AJAP1: variants seen among roughly 807,000 people sequenced by gnomAD.
AJAP1 encodes adherens junctions associated protein 1, also known as adherens junction-associated protein 1.
In AJAP1, 5 loss-of-function variants were observed where a neutral mutation model predicts 35.0. That is an observed-to-expected ratio of 0.14 (90% CI 0.07 to 0.30). The LOEUF (loss-of-function observed/expected upper bound fraction) is 0.30, where lower values mean the gene tolerates loss of function less well. AJAP1 is among the 10% of genes least tolerant of loss of function. The probability of loss-of-function intolerance (pLI) is 1.00; values close to 1 mark genes in which losing one functional copy is unlikely to be tolerated. For missense variants in AJAP1, 586 were observed against 571.0 expected (o/e 1.03, Z -0.27); for synonymous variants, 284 against 249.3 (o/e 1.14, Z -1.31).
At chr1:4,721,157 G>A (rs957731094) in intron 2 of AJAP1, among the ~76,000 whole-genome samples, 1 of 152,258 alleles carries the variant, frequency 6.6e-6, no homozygotes, top group African/African-American at 2.4e-5. Flanking sequence ...CCCTGGGAAG[G>A]GGGTAGGAGG....
intron 1 of AJAP1, among the ~76,000 whole-genome samples, chr1:4,708,476 G>A (rs752495879): frequency 3.9e-5 from 6 of 152,156 alleles, no homozygotes; most frequent in Non-Finnish European, 7.4e-5. Flanking sequence ...AGGCCCTCCC[G>A]AAATCTGTTC....
At position 4,775,869 on chromosome 1, in the gene AJAP1, C is replaced by T. The variant is rs144200874; in HGVS notation, c.*59+1311C>T. On this transcript the variant is annotated intron_variant, in intron 5 of 5. Transcript: ENST00000378191. ...AAGCCAGTGCCTTTGTCTGCCTCAC[C>T]GCAGCTCCCCTCATGAAGGGAGCCC... Among the ~76,000 whole-genome samples the T allele has an allele frequency of 4.8e-3, 730 of 152,328 alleles. 2 individuals are homozygous for T. Among genetic ancestry groups the T allele is most frequent in the Non-Finnish European group, 7.7e-3 (525 of 68,030 alleles).
At chr1:4,690,000 A>ACCC (rs1011664386) in intron 1 of AJAP1, among the ~76,000 whole-genome samples, 1 of 149,810 alleles carries the variant, frequency 6.7e-6, no homozygotes, top group East Asian at 2.0e-4. Flanking sequence ...CCCGGTTGAG[A>ACCC]CCCCCCCAGC....
At chr1:4,769,724 G>T in intron 2 of AJAP1, 129 bp from the exon 3 acceptor site, 1 of 786,080 alleles carries the variant, frequency 1.3e-6, no homozygotes, top group Non-Finnish European at 2.2e-6. Flanking sequence ...GCTGCCCCGA[G>T]TTCCCCGCTG....
chr1:4,717,572 T>G (rs1640423899), intron 2 of AJAP1, among the ~76,000 whole-genome samples: 1 of 152,202 alleles, frequency 6.6e-6, no homozygotes, highest in Non-Finnish European at 1.5e-5. Context: ...CACTCATGCA[T>G]TTCTAAGGAT....
At chr1:4,697,026 G>A (rs981557490) in intron 1 of AJAP1, among the ~76,000 whole-genome samples, 34 of 132,068 alleles carry the variant, frequency 2.6e-4, no homozygotes, top group Admixed American at 8.0e-5. Flanking sequence ...CACACATGGT[G>A]TGTGTGTGTG....
chr1:4,737,805 G>A (rs1214196495), intron 2 of AJAP1, among the ~76,000 whole-genome samples: 1 of 152,230 alleles, frequency 6.6e-6, no homozygotes, highest in Admixed American at 6.5e-5. Context: ...GAGAGGCTGA[G>A]GCAGGTGGAT....
intron 1 of AJAP1, among the ~76,000 whole-genome samples, chr1:4,702,225 G>C (rs1476874285): frequency 6.6e-6 from 1 of 152,142 alleles, no homozygotes; most frequent in Non-Finnish European, 1.5e-5. Context: ...TACAGCTGCA[G>C]GGTTGTTGGG....
chr1:4,710,336 G>GTC (rs1157138836), intron 1 of AJAP1, among the ~76,000 whole-genome samples: 2 of 151,982 alleles, frequency 1.3e-5, no homozygotes, highest in Non-Finnish European at 2.9e-5. Flanking sequence ...CTCACGCACA[G>GTC]TCTCTCACAC....
At chr1:4,776,191 C>G (rs1016239063) in intron 5 of AJAP1, among the ~76,000 whole-genome samples, 1 of 152,232 alleles carries the variant, frequency 6.6e-6, no homozygotes, top group African/African-American at 2.4e-5. Flanking sequence ...ACACTTTTTA[C>G]TTGCCCAGTC....
intron 1 of AJAP1, among the ~76,000 whole-genome samples, chr1:4,674,739 G>T (rs376567460): frequency 6.6e-6 from 1 of 152,324 alleles, no homozygotes; most frequent in African/African-American, 2.4e-5. Flanking sequence ...CTGAGGGATC[G>T]GTCGGGGCCC....
chr1:4,665,830 A>C (rs1557599802), intron 1 of AJAP1, among the ~76,000 whole-genome samples: 1 of 152,214 alleles, frequency 6.6e-6, no homozygotes, highest in Non-Finnish European at 1.5e-5. Flanking sequence ...CAGGAACTCC[A>C]AGTGGAGGAG....
intron 5 of AJAP1, among the ~76,000 whole-genome samples, chr1:4,775,429 C>T (rs975580911): frequency 6.6e-6 from 1 of 152,106 alleles, no homozygotes. Context: ...AGTAGGGAGC[C>T]GTATTTCTAG....
intron 1 of AJAP1, among the ~76,000 whole-genome samples, chr1:4,683,620 A>G (rs1395923017): frequency 6.6e-6 from 1 of 152,248 alleles, no homozygotes; most frequent in East Asian, 1.9e-4. Context: ...TTCGTCCTGC[A>G]CTGGGTACCC....
At chr1:4,695,374 C>T (rs1356015627) in intron 1 of AJAP1, among the ~76,000 whole-genome samples, 1 of 152,168 alleles carries the variant, frequency 6.6e-6, no homozygotes, top group African/African-American at 2.4e-5. Context: ...TGAGTTTCCA[C>T]TGTGAGCTGC....
At chr1:4,683,861 G>A (rs750255030) in intron 1 of AJAP1, among the ~76,000 whole-genome samples, 5 of 152,168 alleles carry the variant, frequency 3.3e-5, no homozygotes, top group South Asian at 4.1e-4. Context: ...AGTGTTAGAC[G>A]GTCAAGAAAG....
Position 4,662,919 on chromosome 1 carries a change from GC to G in AJAP1, c.29+7467del, listed in dbSNP as rs1336864675. Reference sequence around the variant, plus strand: ...TAGAAGAAGTCCTATCTGGTCAGATGCCTGGAGGTGGAGGGGAGAGGGTCAG... The same window carrying G: ...TAGAAGAAGTCCTATCTGGTCAGATGCTGGAGGTGGAGGGGAGAGGGTCAG... On this transcript the variant is annotated intron_variant, in intron 1 of 5. Transcript: ENST00000378191. 3.3e-5 allele frequency among the ~76,000 whole-genome samples: 5 copies of G among 152,222 alleles called. No homozygotes were observed. The East Asian group carries it at 9.7e-4, about 29-fold the overall frequency.
chr1:4,726,518 G>A (rs1410796348), intron 2 of AJAP1, among the ~76,000 whole-genome samples: 1 of 152,122 alleles, frequency 6.6e-6, no homozygotes, highest in Non-Finnish European at 1.5e-5. Context: ...GGAGCCTAGA[G>A]GAGATCCGGT....
At chr1:4,687,115 G>A (rs1053084801) in intron 1 of AJAP1, among the ~76,000 whole-genome samples, 8 of 152,032 alleles carry the variant, frequency 5.3e-5, no homozygotes, top group South Asian at 4.1e-4. Flanking sequence ...CCTTTTCCTC[G>A]CTCTTTCCTT....
Sources: gnomAD v4.1 joint callset for allele counts (sites outside exome capture counted in the v4.1 genomes callset) on GRCh38, gnomAD v4.1.1 for gene constraint, MANE v1.5 for transcripts, NCBI Gene and HGNC (gene_info 2026-07-23, HGNC 2026-07-21) for gene names.